The following SYNE2 variants were observed in gnomAD, a reference collection of about 807,000 sequenced individuals.
SYNE2 encodes the protein spectrin repeat containing nuclear envelope protein 2.
SYNE2 carries 431 observed loss-of-function variants against 856.3 expected under a neutral mutation model. That is an observed-to-expected ratio of 0.50 (90% CI 0.47 to 0.55). The LOEUF is 0.55. Ranked by LOEUF, SYNE2 falls within the 20% of genes least tolerant of loss-of-function variation. The pLI, the probability that SYNE2 is intolerant of heterozygous loss-of-function variation, is 0.00. For missense variants in SYNE2, 8,129 were observed against 8,023.2 expected (o/e 1.01, Z -0.50); for synonymous variants, 2,923 against 2,872.3 (o/e 1.02, Z -0.56).
chr14:63,956,773 A>G, intron 8 of SYNE2, among the ~76,000 whole-genome samples: 1 of 152,236 alleles, frequency 6.6e-6, no homozygotes, highest in Non-Finnish European at 1.5e-5. Context: ...ACACAATTGT[A>G]TAACAACTAT....
Position 64,130,186 on chromosome 14 carries a change from C to T in SYNE2, c.14278C>T (p.His4760Tyr). 6.2e-7 allele frequency: 1 copy of T among 1,614,032 alleles called. No individual in the cohort carries two copies. Among genetic ancestry groups the T allele is most frequent in the Non-Finnish European group, 8.5e-7 (1 of 1,179,998 alleles). The change falls in exon 76 of 116, where the codon CAT becomes TAT. Residue 4760 changes from histidine to tyrosine, a missense_variant. Transcript: ENST00000555002. ...GAAGATTGGGAAGGAAAAGCTTGCT[C>T]ATGGCCACTTAAAACAAACCAAAAG... Reference protein sequence around the residue: ...LVKIGKEKLAHGHLKQTKSKV... With the variant: ...LVKIGKEKLAYGHLKQTKSKV...
Position 64,062,777 on chromosome 14 carries a change from G to GA in SYNE2, c.10099dup (p.Met3367AsnfsTer8). The GA allele has an allele frequency of 6.2e-7, 1 of 1,613,878 alleles. No individual in the cohort carries two copies. The highest frequency in any genetic ancestry group is 8.5e-7 in the Non-Finnish European group (1 of 1,179,834). ...TATCTTGAGAATTACAAATGCTATA[G>GA]AAAAATGGAAGAGGATATTTACACT... On this transcript the variant is annotated frameshift_variant, in exon 50 of 116. Coordinates refer to ENST00000555002, the MANE Select transcript of SYNE2 (RefSeq NM_182914.3). LOFTEE classifies it high-confidence loss of function.
chr14:63,976,156 G>A (rs2096541155), intron 11 of SYNE2, among the ~76,000 whole-genome samples: 1 of 152,142 alleles, frequency 6.6e-6, no homozygotes, highest in Non-Finnish European at 1.5e-5. Flanking sequence ...GCTAGAGAGG[G>A]AAGAAGTTAT....
chr14:64,014,675 G>A (rs1275792772), intron 32 of SYNE2, among the ~76,000 whole-genome samples: 7 of 151,820 alleles, frequency 4.6e-5, no homozygotes, highest in African/African-American at 1.5e-4. Context: ...GATCCACCTC[G>A]GCCTCCCAAA....
At chr14:64,201,814 G>A (rs1431229828) in intron 99 of SYNE2, among the ~76,000 whole-genome samples, 2 of 152,116 alleles carry the variant, frequency 1.3e-5, no homozygotes, top group African/African-American at 4.8e-5. Context: ...ATCTCCCAAC[G>A]TAAGTATTGA....
chr14:63,988,584 A>G (rs1032066871), intron 19 of SYNE2, among the ~76,000 whole-genome samples: 6 of 152,224 alleles, frequency 3.9e-5, no homozygotes, highest in African/African-American at 9.6e-5. Flanking sequence ...ATCACATACT[A>G]TAACTTCTAT....
rs1430006428 is a variant in SYNE2 at position 64,053,535 on chromosome 14, G to A, written c.9622G>A (p.Ala3208Thr). 3 of 1,614,120 alleles carry A rather than the reference G, an allele frequency of 1.9e-6. No individual in the cohort carries two copies. The highest frequency in any genetic ancestry group is 2.5e-6 in the Non-Finnish European group (3 of 1,180,052). The change falls in exon 48 of 116, where the codon GCT (alanine) becomes ACT (threonine). Residue 3208 changes from alanine (A) to threonine (T), a missense_variant. Ala to Thr is a moderately conservative substitution (Grantham distance 58). Transcript: ENST00000555002. ...TTGGGCAGAAATGTGTAGTATTAAA[G>A]CTGTGACTGCTATTGAGAAACAAAG... ...QVWAEMCSIK[A>T]VTAIEKQREE... is the part of the protein sequence containing the mutation.
At chr14:63,772,960 GT>G (rs1254632005) in intron 1 of SYNE2, among the ~76,000 whole-genome samples, 1 of 151,622 alleles carries the variant, frequency 6.6e-6, no homozygotes, top group Non-Finnish European at 1.5e-5. Flanking sequence ...TGTATTTTTA[GT>G]AAAATGGGGT....
chr14:64,100,976 C>A (rs1159430548), intron 63 of SYNE2, among the ~76,000 whole-genome samples: 2 of 151,944 alleles, frequency 1.3e-5, no homozygotes, highest in Admixed American at 1.3e-4. Context: ...TTGCAAATGA[C>A]AGAATTTCCT....
chr14:64,164,155 G>A (rs1332519513), intron 89 of SYNE2, among the ~76,000 whole-genome samples: 1 of 151,122 alleles, frequency 6.6e-6, no homozygotes, highest in Non-Finnish European at 1.5e-5. Context: ...TGTCGCCCAG[G>A]CTGGAGTACA....
chr14:64,128,529 G>A lies in SYNE2; in HGVS notation c.13995G>A (p.Gly4665=). 3.1e-6 allele frequency: 5 copies of A among 1,608,268 alleles called. No individual in the cohort carries two copies. The highest frequency in any genetic ancestry group is 4.3e-6 in the Non-Finnish European group (5 of 1,174,662). ...SLQQSLNEIS[G]QSVAEQLQKA... is the part of the protein sequence containing the mutation. ...AACAGTCTTTGAATGAAATCAGTGG[G>A]CAGAGTGTTGCTGAACAGCTTCAGG... Residue 4665 remains glycine, a synonymous_variant, in exon 74 of 116, where the codon GGG becomes GGA. Transcript: ENST00000555002.
At chr14:63,805,548 C>T (rs1476878311) in intron 1 of SYNE2, among the ~76,000 whole-genome samples, 2 of 152,136 alleles carry the variant, frequency 1.3e-5, no homozygotes, top group Admixed American at 6.5e-5. Context: ...CCACCACGCC[C>T]GGCTAATTTT....
At chr14:64,000,451 T>C (rs897409793) in intron 27 of SYNE2, 111 bp from the exon 28 acceptor site, 4 of 995,024 alleles carry the variant, frequency 4.0e-6, no homozygotes, top group Non-Finnish European at 6.3e-6. Context: ...CATTTACATA[T>C]GAAACATTGT....
At chr14:64,014,967 A>G (rs2096878261) in intron 32 of SYNE2, among the ~76,000 whole-genome samples, 1 of 134,694 alleles carries the variant, frequency 7.4e-6, no homozygotes, top group Non-Finnish European at 1.5e-5. Flanking sequence ...ATATATATAT[A>G]TATATATACA....
At chr14:64,067,426 A>G (rs1300573896) in intron 51 of SYNE2, among the ~76,000 whole-genome samples, 9 of 152,216 alleles carry the variant, frequency 5.9e-5, no homozygotes, top group Non-Finnish European at 1.3e-4. Context: ...TTAGTCATTA[A>G]TCTGTCAACT....
chr14:64,138,771 C>T (rs1458550247), intron 79 of SYNE2, among the ~76,000 whole-genome samples: 1 of 152,130 alleles, frequency 6.6e-6, no homozygotes, highest in East Asian at 1.9e-4. Context: ...ACATCATTCT[C>T]ATCCCTGCAT....
intron 1 of SYNE2, 135 bp downstream of exon 1, chr14:63,853,278 C>T (rs545809042): frequency 2.0e-5 from 3 of 151,948 alleles, no homozygotes; most frequent in Admixed American, 6.6e-5. Context: ...GGGAACCGAC[C>T]CGATGCCGGG....
At chr14:63,906,831 A>G (rs879411682) in intron 1 of SYNE2, among the ~76,000 whole-genome samples, 8 of 152,232 alleles carry the variant, frequency 5.3e-5, no homozygotes, top group Admixed American at 2.0e-4. Context: ...TAGTTTGTAA[A>G]TGACAGAAAT....
At chr14:64,178,649 G>A (rs924046265) in intron 96 of SYNE2, among the ~76,000 whole-genome samples, 1 of 152,190 alleles carries the variant, frequency 6.6e-6, no homozygotes, top group African/African-American at 2.4e-5. Context: ...TGTAGAGACA[G>A]GGTTTTGCCA....
Sources: gnomAD v4.1 joint callset for allele counts (sites outside exome capture counted in the v4.1 genomes callset) on GRCh38, gnomAD v4.1.1 for gene constraint, MANE v1.5 for transcripts, NCBI Gene and HGNC (gene_info 2026-07-23, HGNC 2026-07-21) for gene names.